GPHN: variants seen among roughly 807,000 people sequenced by gnomAD.
GPHN encodes gephyrin.
GPHN carries 17 observed loss-of-function variants against 95.5 expected under a neutral mutation model. The ratio of observed to expected loss-of-function variants is 0.18; its 90% CI spans 0.12 to 0.27. The LOEUF (loss-of-function observed/expected upper bound fraction) is 0.27. Among genes scored for constraint, GPHN ranks in the 10% least tolerant of loss-of-function variants. The pLI is 1.00. For missense variants in GPHN, 660 were observed against 978.1 expected (o/e 0.67, Z 4.34); for synonymous variants, 320 against 322.5 (o/e 0.99, Z 0.08).
chr14:66,880,098 A>G (rs2063859055), intron 5 of GPHN, 65 bp downstream of exon 5: 4 of 998,166 alleles, frequency 4.0e-6, no homozygotes, highest in Admixed American at 1.7e-5. Context: ...ATATTAAAAA[A>G]AATCTACACT....
At chr14:67,647,884 C>A in the GPHN span, 1 of 704,240 alleles carries the variant, frequency 1.4e-6, no homozygotes, top group South Asian at 2.0e-5. Flanking sequence ...ATCTCAGTAA[C>A]TTCCAAGAAT....
At chr14:67,457,828 C>T in the GPHN span, among the ~76,000 whole-genome samples, 1 of 152,244 alleles carries the variant, frequency 6.6e-6, no homozygotes, top group Admixed American at 6.5e-5. Context: ...AATGACTCCC[C>T]TGCTATAGGC....
At chr14:66,753,653 A>G (rs1252585016) in intron 2 of GPHN, among the ~76,000 whole-genome samples, 3 of 152,128 alleles carry the variant, frequency 2.0e-5, no homozygotes, top group Non-Finnish European at 2.9e-5. Context: ...TAATGCAGCA[A>G]TCACGCAGCT....
chr14:67,373,842 A>AGTGTGTGTGTGTGTGTGTGT, the GPHN span, among the ~76,000 whole-genome samples: 7 of 145,686 alleles, frequency 4.8e-5, no homozygotes, highest in African/African-American at 1.8e-4. Context: ...TAATTTGTTC[A>AGTGTGTGTGTGTGTGTGTGT]GTGTGTGTGT....
intron 1 of GPHN, among the ~76,000 whole-genome samples, chr14:66,545,856 C>CG (rs1237533087): frequency 1.2e-4 from 18 of 147,020 alleles, no homozygotes; most frequent in Non-Finnish European, 1.7e-4. Context: ...GCTGGCCAGG[C>CG]GGGGGGCTGA....
At chr14:67,137,676 G>A (rs1311782163) in intron 17 of GPHN, among the ~76,000 whole-genome samples, 1 of 152,068 alleles carries the variant, frequency 6.6e-6, no homozygotes, top group South Asian at 2.1e-4. Context: ...GAGGTGGGAG[G>A]ATCGCTTTAG....
intron 16 of GPHN, among the ~76,000 whole-genome samples, chr14:67,118,208 G>C (rs2078801741): frequency 6.6e-6 from 1 of 152,168 alleles, no homozygotes; most frequent in Non-Finnish European, 1.5e-5. Flanking sequence ...GGGAAAATTA[G>C]TAACTCCTAA....
the GPHN span, among the ~76,000 whole-genome samples, chr14:67,704,542 G>A: frequency 1.3e-5 from 2 of 152,064 alleles, no homozygotes; most frequent in African/African-American, 4.8e-5. Flanking sequence ...GCTTATCTAG[G>A]CACTTGCAAG....
At chr14:67,247,464 T>G in the GPHN span, among the ~76,000 whole-genome samples, 1 of 152,208 alleles carries the variant, frequency 6.6e-6, no homozygotes, top group African/African-American at 2.4e-5. Context: ...CTCAAAACTT[T>G]TCTTTCCTTC....
intron 3 of GPHN, among the ~76,000 whole-genome samples, chr14:66,782,703 A>G (rs113330417): frequency 0.015 from 2,345 of 152,222 alleles, 32 homozygotes; most frequent in Non-Finnish European, 0.018. Flanking sequence ...GGTGGCATGC[A>G]TCTGTAGTCC....
At chr14:66,589,060 G>A (rs548285505) in intron 1 of GPHN, among the ~76,000 whole-genome samples, 13 of 152,262 alleles carry the variant, frequency 8.5e-5, no homozygotes, top group Non-Finnish European at 1.9e-4. Context: ...CAAGCCAGAA[G>A]AGAGTGGGGG....
At chr14:67,471,364 G>C in the GPHN span, 1 of 152,376 alleles carries the variant, frequency 6.6e-6, no homozygotes, top group Admixed American at 6.5e-5. Flanking sequence ...GGCCCACATG[G>C]AAGGCCTGAA....
At chr14:66,995,930 A>C (rs939794844) in intron 9 of GPHN, among the ~76,000 whole-genome samples, 2 of 152,066 alleles carry the variant, frequency 1.3e-5, no homozygotes, top group African/African-American at 4.8e-5. Flanking sequence ...GCAAGATCAT[A>C]CCAGATTCTG....
the GPHN span, among the ~76,000 whole-genome samples, chr14:67,642,793 C>CTTTT: frequency 0.016 from 1,211 of 75,550 alleles, 356 homozygotes; most frequent in East Asian, 0.03. Flanking sequence ...ACTACATTTT[C>CTTTT]TTTTTTTTTT....
At chr14:67,116,992 G>A (rs2078733998) in intron 16 of GPHN, among the ~76,000 whole-genome samples, 2 of 152,146 alleles carry the variant, frequency 1.3e-5, no homozygotes, top group Admixed American at 1.3e-4. Flanking sequence ...TTAGACCTAT[G>A]TATCTGAACT....
chr14:66,775,524 T>G (rs1470057229), intron 2 of GPHN, among the ~76,000 whole-genome samples: 1 of 152,218 alleles, frequency 6.6e-6, no homozygotes, highest in African/African-American at 2.4e-5. Context: ...TATTTTAACA[T>G]GTAGTCAATA....
intron 2 of GPHN, among the ~76,000 whole-genome samples, chr14:66,727,903 T>A (rs2071394455): frequency 6.6e-6 from 1 of 152,190 alleles, no homozygotes; most frequent in African/African-American, 2.4e-5. Flanking sequence ...GGGGAAAATG[T>A]CACCAGGGCA....
the GPHN span, among the ~76,000 whole-genome samples, chr14:67,496,031 G>C: frequency 6.6e-6 from 1 of 152,100 alleles, no homozygotes; most frequent in African/African-American, 2.4e-5. Flanking sequence ...GTTAGATAAC[G>C]CACAGCCAAA....
intron 3 of GPHN, among the ~76,000 whole-genome samples, chr14:66,781,562 G>A (rs541227743): frequency 7.2e-5 from 11 of 152,090 alleles, no homozygotes; most frequent in South Asian, 6.2e-4. Context: ...CTTTTGTTCC[G>A]TTTTACCAAC....
Sources: allele counts gnomAD v4.1 joint callset (sites outside exome capture counted in the v4.1 genomes callset), GRCh38; gene constraint gnomAD v4.1.1; transcripts MANE v1.5; gene names NCBI Gene and HGNC (gene_info 2026-07-23, HGNC 2026-07-21).